ARMH4: variants seen among roughly 807,000 people sequenced by gnomAD.
The protein encoded by ARMH4 is armadillo-like helical domain-containing protein 4.
In ARMH4, 49 loss-of-function variants were observed where a neutral mutation model predicts 61.9. That is an observed-to-expected ratio of 0.79 (90% CI 0.63 to 1.00). The LOEUF is 1.00. Ranked by LOEUF, ARMH4 falls within the 50% of genes least tolerant of loss-of-function variation. The pLI is 0.00. For missense variants in ARMH4, 934 were observed against 930.0 expected (o/e 1.00, Z -0.06); for synonymous variants, 368 against 341.5 (o/e 1.08, Z -0.85).
At chr14:58,065,246 AAG>A (rs368675401) in intron 5 of ARMH4, among the ~76,000 whole-genome samples, 9 of 151,514 alleles carry the variant, frequency 5.9e-5, no homozygotes, top group Non-Finnish European at 7.4e-5. Flanking sequence ...ATCTTAAAAA[AAG>A]AGAGAGAGAG....
intron 5 of ARMH4, among the ~76,000 whole-genome samples, chr14:58,092,299 CA>C (rs749637250): frequency 2.0e-5 from 3 of 152,146 alleles, no homozygotes; most frequent in Non-Finnish European, 4.4e-5. Context: ...GATTACTTTT[CA>C]AAGGATCTCA....
chr14:58,026,459 C>T (rs1883024323), intron 5 of ARMH4, among the ~76,000 whole-genome samples: 1 of 152,178 alleles, frequency 6.6e-6, no homozygotes, highest in Non-Finnish European at 1.5e-5. Flanking sequence ...AACTGAAATT[C>T]TCATTCTCAT....
chr14:58,007,529 C>T (rs1259082081), intron 6 of ARMH4, among the ~76,000 whole-genome samples: 3 of 152,032 alleles, frequency 2.0e-5, no homozygotes, highest in Non-Finnish European at 4.4e-5. Context: ...TTTTTGGTGG[C>T]ATCTGCCTTG....
intron 5 of ARMH4, among the ~76,000 whole-genome samples, chr14:58,029,963 T>C (rs1039030744): frequency 4.6e-5 from 7 of 152,276 alleles, no homozygotes; most frequent in South Asian, 4.1e-4. Flanking sequence ...CAAATGTCCA[T>C]CAACTGATTG....
In ARMH4 at chr14:58,096,992, A is replaced by C. The variant is rs1566578152; in HGVS notation, c.1832-11T>G. 6.2e-7 allele frequency: 1 copy of C among 1,611,732 alleles called. No individual in the cohort carries two copies. The highest frequency in any genetic ancestry group is 8.5e-7 in the Non-Finnish European group (1 of 1,178,238). On this transcript the variant is annotated splice_polypyrimidine_tract_variant and intron_variant, in intron 4 of 7. Coordinates refer to ENST00000267485, the MANE Select transcript of ARMH4 (RefSeq NM_001001872.4). ...CATCTTCTTGTCCCTCTAGGCAAAAAGAAATCAAAGGGAAGCATAAACATA... is the reference window on the plus strand; with the variant it reads ...CATCTTCTTGTCCCTCTAGGCAAAACGAAATCAAAGGGAAGCATAAACATA...
intron 5 of ARMH4, among the ~76,000 whole-genome samples, chr14:58,063,321 T>C (rs530806833): frequency 6.6e-6 from 1 of 152,278 alleles, no homozygotes; most frequent in South Asian, 2.1e-4. Flanking sequence ...CCATCTTAAC[T>C]TGATTAAATA....
chr14:58,095,897 C>G (rs1215290736), intron 5 of ARMH4, among the ~76,000 whole-genome samples: 2 of 152,192 alleles, frequency 1.3e-5, no homozygotes, highest in Non-Finnish European at 2.9e-5. Context: ...AGACTAGGAG[C>G]ATTTTAGAGA....
chr14:58,082,335 C>T (rs1277077503), intron 5 of ARMH4, among the ~76,000 whole-genome samples: 2 of 152,232 alleles, frequency 1.3e-5, no homozygotes, highest in East Asian at 3.8e-4. Flanking sequence ...TTACAATGCT[C>T]CTTTGCCCCT....
At chr14:58,148,088 C>T (rs191140880) in intron 1 of ARMH4, among the ~76,000 whole-genome samples, 11 of 152,140 alleles carry the variant, frequency 7.2e-5, no homozygotes, top group African/African-American at 2.4e-4. Context: ...CTCGCTCTGT[C>T]GCCCAGGCTA....
Position 58,020,615 on chromosome 14 carries a change from C to G in ARMH4, c.2090-8465G>C, listed in dbSNP as rs899751071. ...GTGGTGTGTGTGGGGTGAGGGGACT[C>G]TCTTTGTATATGTCTTTCTCATTCA... On this transcript the variant is annotated intron_variant, in intron 5 of 7. Coordinates refer to ENST00000267485, the MANE Select transcript of ARMH4 (RefSeq NM_001001872.4). 1.3e-5 allele frequency among the ~76,000 whole-genome samples: 2 copies of G among 152,198 alleles called. 1 individual carries two copies. Among genetic ancestry groups the G allele is most frequent in the Middle Eastern group, 6.8e-3 (2 of 294 alleles).
chr14:58,076,271 A>G (rs1300716373), intron 5 of ARMH4, among the ~76,000 whole-genome samples: 1 of 152,234 alleles, frequency 6.6e-6, no homozygotes, highest in Non-Finnish European at 1.5e-5. Flanking sequence ...GTGCCTGGAA[A>G]ACACTGTGGG....
chr14:58,036,804 G>A (rs1376913311), intron 5 of ARMH4, among the ~76,000 whole-genome samples: 3 of 123,364 alleles, frequency 2.4e-5, no homozygotes, highest in South Asian at 2.7e-4. Context: ...ATTCACAATT[G>A]CTTCAAAGAG....
intron 3 of ARMH4, among the ~76,000 whole-genome samples, chr14:58,132,752 AT>A (rs1331731766): frequency 3.0e-4 from 46 of 151,620 alleles, no homozygotes; most frequent in African/African-American, 1.1e-3. Context: ...CGCCTGGGTA[AT>A]TTTTTGTATT....
chr14:58,011,256 AT>A (rs1882396316), intron 6 of ARMH4, among the ~76,000 whole-genome samples: 1 of 152,212 alleles, frequency 6.6e-6, no homozygotes, highest in Non-Finnish European at 1.5e-5. Context: ...TTTATTTGCA[AT>A]TGAATGTTGT....
At chr14:58,126,881 C>T (rs575298083) in intron 4 of ARMH4, among the ~76,000 whole-genome samples, 1 of 150,066 alleles carries the variant, frequency 6.7e-6, no homozygotes, top group Admixed American at 6.6e-5. Flanking sequence ...CGGCTCACTG[C>T]AACCTATGCT....
chr14:58,072,720 T>TAA (rs78657038), intron 5 of ARMH4, among the ~76,000 whole-genome samples: 2 of 143,214 alleles, frequency 1.4e-5, no homozygotes, highest in Admixed American at 7.0e-5. Context: ...AGACTCCATC[T>TAA]AAAAAAAAAA....
chr14:58,108,716 T>C (rs898568322), intron 4 of ARMH4, among the ~76,000 whole-genome samples: 1 of 152,200 alleles, frequency 6.6e-6, no homozygotes, highest in Non-Finnish European at 1.5e-5. Flanking sequence ...TCATAAATGA[T>C]CTCTAGTGTA....
intron 5 of ARMH4, among the ~76,000 whole-genome samples, chr14:58,067,154 C>T (rs75717329): frequency 6.6e-6 from 1 of 152,298 alleles, no homozygotes; most frequent in Non-Finnish European, 1.5e-5. Context: ...CTGCTTTGTA[C>T]CCTTCCATCT....
chr14:58,035,020 C>A (rs1308259923), intron 5 of ARMH4, among the ~76,000 whole-genome samples: 1 of 114,130 alleles, frequency 8.8e-6, no homozygotes, highest in Non-Finnish European at 1.9e-5. Flanking sequence ...ACAAGGATAC[C>A]CAGGAATTTA....
Sources: gnomAD v4.1 joint callset for allele counts (sites outside exome capture counted in the v4.1 genomes callset) on GRCh38, gnomAD v4.1.1 for gene constraint, MANE v1.5 for transcripts, NCBI Gene and HGNC (gene_info 2026-07-23, HGNC 2026-07-21) for gene names.